The following SLC12A6 variants were observed in gnomAD, a reference collection of about 807,000 sequenced individuals.
SLC12A6 encodes the protein K-Cl cotransporter 3.
SLC12A6 carries 66 observed loss-of-function variants against 135.3 expected under a neutral mutation model. That is an observed-to-expected ratio of 0.49 (90% confidence interval 0.40 to 0.60). SLC12A6 has a LOEUF of 0.60. Ranked by LOEUF, SLC12A6 falls within the 20% of genes least tolerant of loss-of-function variation. The probability of loss-of-function intolerance (pLI) is 0.00; values close to 1 mark genes in which losing one functional copy is unlikely to be tolerated. For missense variants in SLC12A6, 1,058 were observed against 1,452.3 expected (o/e 0.73, Z 4.41); for synonymous variants, 513 against 508.8 (o/e 1.01, Z -0.11).
chr15:34,286,067 T>C (rs576321432), intron 2 of SLC12A6, among the ~76,000 whole-genome samples: 1 of 150,382 alleles, frequency 6.6e-6, no homozygotes, highest in South Asian at 2.1e-4. Flanking sequence ...TGCTAGGTTT[T>C]ATTGCTTTTT....
intron 2 of SLC12A6, among the ~76,000 whole-genome samples, chr15:34,329,308 A>C (rs1474450748): frequency 1.3e-5 from 2 of 152,256 alleles, no homozygotes. Flanking sequence ...GTCCAGAAGT[A>C]TATGTTAGAC....
intron 2 of SLC12A6, among the ~76,000 whole-genome samples, chr15:34,316,292 G>T (rs997990233): frequency 1.2e-4 from 18 of 151,618 alleles, no homozygotes; most frequent in Non-Finnish European, 2.1e-4. Flanking sequence ...ATCAATTTAA[G>T]ATTTTTTTTT....
In SLC12A6 at chr15:34,336,510, A is replaced by G. The variant is rs778347736; in HGVS notation, c.171T>C (p.Ser57=). The G allele has an allele frequency of 6.2e-6, 10 of 1,613,604 alleles. No homozygotes were observed. The highest frequency in any genetic ancestry group is 4.0e-5 in the African/African-American group (3 of 74,798). ...CCCCAGACATCTCACTCATAGGCTCACTCCGGCTTGTTTCAGGCACGCTTT... is the reference window on the plus strand; with the variant it reads ...CCCCAGACATCTCACTCATAGGCTCGCTCCGGCTTGTTTCAGGCACGCTTT... ...SRESVPETSR[S]EPMSEMSGAT... is the part of the protein sequence containing the mutation. Residue 57 remains serine (S), a synonymous_variant, in exon 2 of 26, where the codon AGT becomes AGC. Transcript: ENST00000354181.
At chr15:34,315,099 A>G (rs1427229524) in intron 2 of SLC12A6, among the ~76,000 whole-genome samples, 2 of 152,220 alleles carry the variant, frequency 1.3e-5, no homozygotes, top group African/African-American at 4.8e-5. Context: ...TGCTGTGAAC[A>G]CTGGTGAAAT....
At chr15:34,253,613 T>C (rs1410720459) in intron 9 of SLC12A6, among the ~76,000 whole-genome samples, 3 of 151,416 alleles carry the variant, frequency 2.0e-5, no homozygotes, top group African/African-American at 7.2e-5. Flanking sequence ...AACTGTCTTT[T>C]TGTCTTGAAA....
At chr15:34,286,100 GTC>G (rs1348134453) in intron 2 of SLC12A6, among the ~76,000 whole-genome samples, 1 of 151,242 alleles carries the variant, frequency 6.6e-6, no homozygotes, top group African/African-American at 2.4e-5. Context: ...TTTTTAAACA[GTC>G]TTGCTCTGAC....
intron 2 of SLC12A6, among the ~76,000 whole-genome samples, chr15:34,310,438 T>C (rs560660382): frequency 1.6e-5 from 2 of 121,520 alleles, no homozygotes; most frequent in Non-Finnish European, 3.4e-5. Context: ...TGTGTGTGTG[T>C]CCCCGTGTCC....
intron 24 of SLC12A6, among the ~76,000 whole-genome samples, chr15:34,235,775 C>A (rs556863050): frequency 5.9e-5 from 9 of 152,230 alleles, no homozygotes; most frequent in African/African-American, 1.7e-4. Context: ...TCTGGGTTTT[C>A]TCATTCTCTG....
chr15:34,334,090 A>C (rs1358887106), intron 2 of SLC12A6, among the ~76,000 whole-genome samples: 1 of 151,950 alleles, frequency 6.6e-6, no homozygotes, highest in East Asian at 1.9e-4. Flanking sequence ...AAAAACAAAA[A>C]AAACTTCATG....
At chr15:34,263,494 T>C (rs916422166) in intron 3 of SLC12A6, among the ~76,000 whole-genome samples, 1 of 152,212 alleles carries the variant, frequency 6.6e-6, no homozygotes, top group Admixed American at 6.5e-5. Flanking sequence ...TCCACATTTT[T>C]TTTTAATGTT....
intron 4 of SLC12A6, among the ~76,000 whole-genome samples, chr15:34,259,568 T>C (rs981197320): frequency 6.6e-6 from 1 of 151,856 alleles, no homozygotes; most frequent in Non-Finnish European, 1.5e-5. Flanking sequence ...GAGGGTCCTT[T>C]GAGCCCAGGA....
In SLC12A6 at chr15:34,308,739, A is replaced by G. The variant is rs1294324933; in HGVS notation, c.271+27671T>C. Reference sequence around the variant, plus strand: ...AATATTCTACATTTGTAAATACTCTATGCGAAATAAAAAAGCAATCCAAAA... The same window carrying G: ...AATATTCTACATTTGTAAATACTCTGTGCGAAATAAAAAAGCAATCCAAAA... On this transcript the variant is annotated intron_variant, in intron 2 of 25. Coordinates refer to ENST00000354181, the MANE Select transcript of SLC12A6 (RefSeq NM_001365088.1). 2.6e-5 allele frequency among the ~76,000 whole-genome samples: 4 copies of G among 152,002 alleles called. No homozygotes were observed. The East Asian group carries it at 7.8e-4, about 29-fold the overall frequency.
intron 2 of SLC12A6, among the ~76,000 whole-genome samples, chr15:34,328,333 T>C (rs1018099354): frequency 2.6e-5 from 4 of 152,264 alleles, no homozygotes; most frequent in African/African-American, 9.6e-5. Flanking sequence ...GACTTGATTC[T>C]GAAATCTTGT....
At chr15:34,261,604 T>C (rs1893136858) in intron 3 of SLC12A6, among the ~76,000 whole-genome samples, 1 of 152,160 alleles carries the variant, frequency 6.6e-6, no homozygotes, top group South Asian at 2.1e-4. Flanking sequence ...CAGCCGAGAC[T>C]CTACTCTTAA....
chr15:34,307,750 ACAG>A (rs903249571), intron 2 of SLC12A6, among the ~76,000 whole-genome samples: 3 of 152,216 alleles, frequency 2.0e-5, no homozygotes, highest in Non-Finnish European at 4.4e-5. Context: ...TAGGCAGGAA[ACAG>A]CAGAAGAGAA....
intron 2 of SLC12A6, among the ~76,000 whole-genome samples, chr15:34,313,394 G>C (rs751115416): frequency 6.6e-6 from 1 of 152,200 alleles, no homozygotes; most frequent in Non-Finnish European, 1.5e-5. Flanking sequence ...ACCTAATCCA[G>C]AACAAGACCC....
At chr15:34,255,020 A>G (rs1356607551) in intron 8 of SLC12A6, among the ~76,000 whole-genome samples, 1 of 152,188 alleles carries the variant, frequency 6.6e-6, no homozygotes, top group Non-Finnish European at 1.5e-5. Context: ...CTTTTTCCCC[A>G]TTGGACTTGA....
chr15:34,268,563 A>T (rs1893681457), intron 3 of SLC12A6, among the ~76,000 whole-genome samples: 1 of 152,224 alleles, frequency 6.6e-6, no homozygotes, highest in Non-Finnish European at 1.5e-5. Context: ...GGCAAGGATT[A>T]ATTTTTGGCT....
chr15:34,324,208 C>A (rs1209600140), intron 2 of SLC12A6, among the ~76,000 whole-genome samples: 1 of 152,042 alleles, frequency 6.6e-6, no homozygotes, highest in Non-Finnish European at 1.5e-5. Context: ...ATAAAATAAT[C>A]AACCTGCAGT....
Sources: allele counts gnomAD v4.1 joint callset (sites outside exome capture counted in the v4.1 genomes callset), GRCh38; gene constraint gnomAD v4.1.1; transcripts MANE v1.5; gene names NCBI Gene and HGNC (gene_info 2026-07-23, HGNC 2026-07-21).